The following FZD3 variants were observed in gnomAD, a reference collection of about 807,000 sequenced individuals.
FZD3 encodes frizzled class receptor 3, also known as frizzled-3.
FZD3 carries 30 observed loss-of-function variants against 60.7 expected under a neutral mutation model. That is an observed-to-expected ratio of 0.49 (90% confidence interval 0.37 to 0.67). The LOEUF is 0.67. Among genes scored for constraint, FZD3 ranks in the 30% least tolerant of loss-of-function variants. The pLI, the probability that FZD3 is intolerant of heterozygous loss-of-function variation, is 0.00. For missense variants in FZD3, 605 were observed against 838.7 expected, an observed-to-expected ratio of 0.72 and a Z score of 3.44; for synonymous variants, 246 against 275.2, an observed-to-expected ratio of 0.89 and a Z score of 1.05.
intron 3 of FZD3, among the ~76,000 whole-genome samples, chr8:28,516,817 G>T (rs879630388): frequency 4.6e-5 from 7 of 151,212 alleles, no homozygotes; most frequent in Non-Finnish European, 5.9e-5. Flanking sequence ...TTTCCTCTCT[G>T]TTACTTTGTT....
intron 5 of FZD3, among the ~76,000 whole-genome samples, chr8:28,535,383 A>G (rs1355634433): frequency 6.6e-6 from 1 of 152,226 alleles, no homozygotes; most frequent in Non-Finnish European, 1.5e-5. Context: ...TAATTGGCTA[A>G]CCAATAGTGA....
chr8:28,547,964 A>C (rs7829223), intron 5 of FZD3, among the ~76,000 whole-genome samples: 1 of 151,322 alleles, frequency 6.6e-6, no homozygotes, highest in Admixed American at 6.6e-5. Context: ...GCAATTCTTC[A>C]GTCTCAGCCT....
rs766985193 is a variant in FZD3, at chr8:28,527,133, G to A, written c.387-14G>A. On this transcript the variant is annotated splice_polypyrimidine_tract_variant and intron_variant, in intron 4 of 7. Coordinates refer to ENST00000240093, the MANE Select transcript of FZD3 (RefSeq NM_017412.4). The surrounding 1 kb of genome is among the most constrained non-coding windows in gnomAD (Gnocchi z 5.0). ...CATAAGTAAAAATAGTTCTCATCTT[G>A]TTTTGTTTTTTAGGTTCCCAGATTG... 3.3e-5 allele frequency: 53 copies of A among 1,587,850 alleles called. No homozygotes were observed. The Admixed American group carries it at 8.6e-4, about 26-fold the overall frequency.
chr8:28,510,758 C>T (rs1236703968), intron 3 of FZD3, among the ~76,000 whole-genome samples: 3 of 152,072 alleles, frequency 2.0e-5, no homozygotes, highest in African/African-American at 7.2e-5. Context: ...AACAGTGGGC[C>T]GGGCACGGTG....
In FZD3 at chr8:28,549,724, G is replaced by T. The variant is rs1366784453; in HGVS notation, c.1405-1879G>T. Among the ~76,000 whole-genome samples the T allele has an allele frequency of 6.6e-5, 10 of 152,138 alleles. No homozygotes were observed. The East Asian group carries it at 1.9e-3, about 29-fold the overall frequency. Reference sequence around the variant, plus strand: ...TTTTGGATTGAGATATAGATACATAGTGTCTTTAAGTACTTCATCATCTAT... The same window carrying T: ...TTTTGGATTGAGATATAGATACATATTGTCTTTAAGTACTTCATCATCTAT... On this transcript the variant is annotated intron_variant, in intron 5 of 7. Transcript: ENST00000240093.
chr8:28,552,560 ATTTC>A (rs1000640659), intron 6 of FZD3, among the ~76,000 whole-genome samples: 42 of 152,260 alleles, frequency 2.8e-4, no homozygotes, highest in African/African-American at 9.4e-4. Flanking sequence ...TGGATTCTAT[ATTTC>A]TTATGATTTT....
intron 3 of FZD3, among the ~76,000 whole-genome samples, chr8:28,518,016 A>G (rs773624531): frequency 3.3e-5 from 5 of 152,190 alleles, no homozygotes; most frequent in Non-Finnish European, 7.3e-5. Context: ...TGCTTAGCAC[A>G]TAAATGCAAT....
rs1002615374 is a variant in FZD3, at chr8:28,570,965, T to G, written c.*7954T>G. The G allele has an allele frequency of 2.6e-5, 4 of 151,810 alleles. No individual in the cohort carries two copies. The East Asian group carries it at 7.7e-4, about 29-fold the overall frequency. The allele number at this position is 151,810 out of a possible 1,614,324, so 9.4% of individuals were successfully genotyped here. A position where few individuals can be genotyped will look rare whatever the true frequency, so the allele number is the denominator to read the frequency against. On this transcript the variant is annotated 3_prime_UTR_variant, in exon 8 of 8. Transcript: ENST00000240093. ...ACTGTCCTGGCTTTCAGAAATTATA[T>G]TAGATGCCCAGCCTTTCTCATTCAG...
At chr8:28,499,587 C>CT (rs905906926) in intron 1 of FZD3, among the ~76,000 whole-genome samples, 82 of 147,974 alleles carry the variant, frequency 5.5e-4, no homozygotes, top group African/African-American at 1.5e-3. Context: ...TAAGTAGCCA[C>CT]TTTTTTTTTT....
intron 5 of FZD3, among the ~76,000 whole-genome samples, chr8:28,544,292 C>A (rs987573750): frequency 6.6e-6 from 1 of 151,878 alleles, no homozygotes; most frequent in Non-Finnish European, 1.5e-5. Context: ...TATGCCATAT[C>A]GGAGAATACA....
intron 4 of FZD3, among the ~76,000 whole-genome samples, chr8:28,525,616 G>C (rs1348184415): frequency 1.3e-5 from 2 of 152,170 alleles, no homozygotes. Flanking sequence ...GATCAGAAAA[G>C]TACTGGGGCT....
chr8:28,500,026 G>T (rs905884751), intron 2 of FZD3, 48 bp downstream of exon 2: 1 of 152,124 alleles, frequency 6.6e-6, no homozygotes. Context: ...ATTTCCAGGG[G>T]AATCCATGAA....
intron 1 of FZD3, among the ~76,000 whole-genome samples, chr8:28,495,108 A>G (rs570534267): frequency 2.0e-5 from 3 of 152,360 alleles, no homozygotes; most frequent in South Asian, 2.1e-4. Flanking sequence ...CTTTCAAGAC[A>G]TGTAAACATC....
Position 28,563,042 on chromosome 8 carries a change from T to G in FZD3, c.*31T>G. On this transcript the variant is annotated 3_prime_UTR_variant, in exon 8 of 8. Coordinates refer to ENST00000240093, the MANE Select transcript of FZD3 (RefSeq NM_017412.4). Reference sequence around the variant, plus strand: ...CTTGTCTAAGGTGGAAATCTTGTGCTGTTTAAAAAGCAGATTTTATTCTTT... The same window carrying G: ...CTTGTCTAAGGTGGAAATCTTGTGCGGTTTAAAAAGCAGATTTTATTCTTT... 6.7e-7 allele frequency: 1 copy of G among 1,488,822 alleles called. No homozygotes were observed. The highest frequency in any genetic ancestry group is 9.4e-7 in the Non-Finnish European group (1 of 1,066,052). 92.2% of individuals were successfully genotyped at this position (1,488,822 alleles called of 1,614,324 possible). A position where few individuals can be genotyped will look rare whatever the true frequency, so the allele number is the denominator to read the frequency against.
intron 5 of FZD3, among the ~76,000 whole-genome samples, chr8:28,550,772 ATGAACCACCACG>A (rs1365829380): frequency 1.7e-4 from 6 of 34,514 alleles, no homozygotes; most frequent in African/African-American, 3.6e-4. Context: ...GATTACATGC[ATGAACCACCACG>A]CCTGGCCTAT....
rs536223322 is a variant in FZD3, at chr8:28,496,286, A to G, written c.-391+1943A>G. On this transcript the variant is annotated intron_variant, in intron 1 of 7. Coordinates refer to ENST00000240093, the MANE Select transcript of FZD3 (RefSeq NM_017412.4). ...CATGTTAGTTTGATAGTGAAACTCT[A>G]AGATTTTATAGTCAAAACTTTTTCT... 4.6e-4 allele frequency among the ~76,000 whole-genome samples: 70 copies of G among 152,306 alleles called. 1 individual carries two copies. Among genetic ancestry groups the G allele is most frequent in the African/African-American group, 1.4e-3 (58 of 41,568 alleles).
intron 5 of FZD3, among the ~76,000 whole-genome samples, chr8:28,542,110 T>TTTTA (rs1554538053): frequency 7.6e-6 from 1 of 131,948 alleles, no homozygotes; most frequent in African/African-American, 3.0e-5. Flanking sequence ...TTTTTTTTTT[T>TTTTA]AACTACTCCC....
At chr8:28,557,206 T>A (rs1805525458) in intron 7 of FZD3, among the ~76,000 whole-genome samples, 1 of 94,164 alleles carries the variant, frequency 1.1e-5, no homozygotes, top group Non-Finnish European at 2.1e-5. Flanking sequence ...CAAAACTCTG[T>A]CTCAAAAAAA....
At chr8:28,531,989 A>G (rs188200409) in intron 5 of FZD3, among the ~76,000 whole-genome samples, 86 of 152,176 alleles carry the variant, frequency 5.7e-4, no homozygotes, top group African/African-American at 1.8e-3. Context: ...TTTTTGATTC[A>G]TATCTCTAAT....
Sources: allele counts gnomAD v4.1 joint callset (sites outside exome capture counted in the v4.1 genomes callset), GRCh38; gene constraint gnomAD v4.1.1; non-coding constraint Gnocchi (gnomAD v3.1); transcripts MANE v1.5; gene names NCBI Gene and HGNC (gene_info 2026-07-23, HGNC 2026-07-21).